Variants in SLC16A10 observed in about 807,000 individuals in gnomAD.
SLC16A10 encodes monocarboxylate transporter 10.
In SLC16A10, 27 loss-of-function variants were observed where a neutral mutation model predicts 40.0. The observed-to-expected ratio is 0.67, with a 90% CI of 0.50 to 0.93. The LOEUF (loss-of-function observed/expected upper bound fraction) is 0.93, where lower values mean the gene tolerates loss of function less well. Among genes scored for constraint, SLC16A10 ranks in the 40% least tolerant of loss-of-function variants. SLC16A10 has a pLI of 0.00. For synonymous variants in SLC16A10, 213 were observed against 249.8 expected (o/e 0.85, Z 1.39); for missense variants, 529 against 658.2 (o/e 0.80, Z 2.15).
intron 2 of SLC16A10, among the ~76,000 whole-genome samples, chr6:111,174,908 T>G (rs1772650903): frequency 2.0e-5 from 3 of 152,220 alleles, no homozygotes; most frequent in Admixed American, 6.5e-5. Context: ...CAGTTCTGTC[T>G]CTCTTTCTCT....
chr6:111,188,656 G>T (rs890404040), intron 3 of SLC16A10, among the ~76,000 whole-genome samples: 1 of 152,030 alleles, frequency 6.6e-6, no homozygotes, highest in Non-Finnish European at 1.5e-5. Context: ...TACCCACTGA[G>T]ATTCATTTGT....
At chr6:111,201,595 T>G (rs961203262) in intron 3 of SLC16A10, among the ~76,000 whole-genome samples, 5 of 152,240 alleles carry the variant, frequency 3.3e-5, no homozygotes, top group African/African-American at 1.2e-4. Context: ...ATTTATTTAA[T>G]AAATTCCATA....
At chr6:111,135,787 C>T (rs1453652863) in intron 1 of SLC16A10, among the ~76,000 whole-genome samples, 7 of 152,296 alleles carry the variant, frequency 4.6e-5, no homozygotes, top group South Asian at 4.1e-4. Context: ...TTTAGCCGCC[C>T]GTTCAGAAAC....
chr6:111,187,593 A>C (rs1216818979), intron 3 of SLC16A10, among the ~76,000 whole-genome samples: 1 of 152,228 alleles, frequency 6.6e-6, no homozygotes, highest in African/African-American at 2.4e-5. Context: ...AAGAACATCC[A>C]TGGAAAATAA....
chr6:111,110,512 C>T (rs1167210068), intron 1 of SLC16A10, among the ~76,000 whole-genome samples: 3 of 151,964 alleles, frequency 2.0e-5, no homozygotes, highest in Non-Finnish European at 4.4e-5. Flanking sequence ...AGATTCAAAA[C>T]CCCTATTCAG....
chr6:111,110,256 A>G (rs915880693), intron 1 of SLC16A10, among the ~76,000 whole-genome samples: 3 of 152,032 alleles, frequency 2.0e-5, no homozygotes, highest in African/African-American at 7.2e-5. Flanking sequence ...GGAGGAAGAG[A>G]TAGGGGTACA....
At chr6:111,145,448 T>G (rs922788108) in intron 1 of SLC16A10, among the ~76,000 whole-genome samples, 3 of 152,114 alleles carry the variant, frequency 2.0e-5, no homozygotes, top group Admixed American at 2.0e-4. Flanking sequence ...AAATATATTA[T>G]TAAGATAAAA....
intron 1 of SLC16A10, among the ~76,000 whole-genome samples, chr6:111,155,840 G>A (rs1772260817): frequency 6.6e-6 from 1 of 152,186 alleles, no homozygotes; most frequent in South Asian, 2.1e-4. Flanking sequence ...AGAGGGCGCA[G>A]AAGCCATGAC....
chr6:111,100,992 CTATATATATA>C lies in SLC16A10; in HGVS notation c.343+12914_343+12923del, dbSNP rs71021826. On this transcript the variant is annotated intron_variant, in intron 1 of 5. Transcript: ENST00000368851. ...TCTCTCTCTCTCTCTCTCTCTCTCTCTATATATATATATATATATATATATAAATATATGT... is the reference window on the plus strand; with the variant it reads ...TCTCTCTCTCTCTCTCTCTCTCTCTCTATATATATATATATAAATATATGT... Among the ~76,000 whole-genome samples, 301 of 66,412 alleles carry C rather than the reference CTATATATATA, an allele frequency of 4.5e-3. 1 individual carries two copies. The highest frequency in any genetic ancestry group is 7.1e-3 in the African/African-American group (110 of 15,526). The allele number at this position is 66,412 out of a possible 152,430, so 43.6% of individuals were successfully genotyped here.
chr6:111,101,302 C>T (rs1771184441), intron 1 of SLC16A10, among the ~76,000 whole-genome samples: 2 of 151,820 alleles, frequency 1.3e-5, no homozygotes, highest in Admixed American at 1.3e-4. Flanking sequence ...AAAGTGCTGG[C>T]ATTACAGGTC....
chr6:111,156,987 C>T lies in SLC16A10; in HGVS notation c.344-15708C>T, dbSNP rs779695393. On this transcript the variant is annotated intron_variant, in intron 1 of 5. Coordinates refer to ENST00000368851, the MANE Select transcript of SLC16A10 (RefSeq NM_018593.5). ...AGGCTGTAGTGCAGTGGTGAAATCTCGGCTCACTGCAACCTCCACCTCCTG... is the reference window on the plus strand; with the variant it reads ...AGGCTGTAGTGCAGTGGTGAAATCTTGGCTCACTGCAACCTCCACCTCCTG... Among the ~76,000 whole-genome samples, 6 of 152,118 alleles carry T rather than the reference C, an allele frequency of 3.9e-5. No homozygotes were observed. In the East Asian group the frequency reaches 1.2e-3, roughly 29 times the overall value.
chr6:111,209,750 G>C (rs532190001), intron 4 of SLC16A10, among the ~76,000 whole-genome samples: 2 of 152,296 alleles, frequency 1.3e-5, no homozygotes, highest in South Asian at 4.1e-4. Context: ...GGCAGGAGTG[G>C]TCAGCAGTGT....
intron 1 of SLC16A10, among the ~76,000 whole-genome samples, chr6:111,128,874 T>C (rs1016911010): frequency 6.6e-5 from 10 of 152,058 alleles, no homozygotes; most frequent in African/African-American, 2.4e-4. Context: ...TCATTTTATT[T>C]TTTCATATTC....
chr6:111,158,621 G>A (rs866613819), intron 1 of SLC16A10, among the ~76,000 whole-genome samples: 11 of 152,158 alleles, frequency 7.2e-5, no homozygotes, highest in Admixed American at 3.3e-4. Flanking sequence ...TAACAGGCTC[G>A]GGGGCTGGGG....
chr6:111,156,778 T>G (rs1019648343), intron 1 of SLC16A10, among the ~76,000 whole-genome samples: 1 of 152,214 alleles, frequency 6.6e-6, no homozygotes, highest in Non-Finnish European at 1.5e-5. Flanking sequence ...GTATCAATAG[T>G]AGTTCATTAA....
At chr6:111,181,085 T>C (rs1366558292) in intron 3 of SLC16A10, among the ~76,000 whole-genome samples, 1 of 151,008 alleles carries the variant, frequency 6.6e-6, no homozygotes, top group East Asian at 2.0e-4. Context: ...CGTGATTGCT[T>C]GCACCTGTAA....
chr6:111,216,847 G>T (rs991877722), intron 4 of SLC16A10, among the ~76,000 whole-genome samples: 7 of 152,136 alleles, frequency 4.6e-5, no homozygotes, highest in African/African-American at 1.7e-4. Context: ...CAGTTTTCAG[G>T]AGCATGTTTC....
At chr6:111,144,797 A>G (rs1184561461) in intron 1 of SLC16A10, among the ~76,000 whole-genome samples, 2 of 152,196 alleles carry the variant, frequency 1.3e-5, no homozygotes, top group Non-Finnish European at 2.9e-5. Flanking sequence ...TTGCATAACA[A>G]TTCTATAAAA....
At chr6:111,198,528 T>C (rs2114574885) in intron 3 of SLC16A10, among the ~76,000 whole-genome samples, 1 of 152,314 alleles carries the variant, frequency 6.6e-6, no homozygotes, top group Non-Finnish European at 1.5e-5. Context: ...CTATATGGCA[T>C]AGGTAGAGCC....
Sources: allele counts gnomAD v4.1 joint callset (sites outside exome capture counted in the v4.1 genomes callset), GRCh38; gene constraint gnomAD v4.1.1; transcripts MANE v1.5; gene names NCBI Gene and HGNC (gene_info 2026-07-23, HGNC 2026-07-21).